HEXB: variants seen among roughly 807,000 people sequenced by gnomAD.
The protein encoded by HEXB is hexosaminidase subunit beta, also known as beta-hexosaminidase subunit beta.
In HEXB, 51 loss-of-function variants were observed where a neutral mutation model predicts 71.2. The observed-to-expected ratio is 0.72, with a 90% CI of 0.57 to 0.90. The LOEUF (loss-of-function observed/expected upper bound fraction) is 0.90. HEXB is among the 40% of genes least tolerant of loss of function. HEXB has a pLI of 0.00. For missense variants in HEXB, 617 were observed against 677.0 expected (o/e 0.91, Z 0.98); for synonymous variants, 266 against 249.3 (o/e 1.07, Z -0.63).
At chr5:74,717,610 T>C (rs1470513836) in intron 9 of HEXB, among the ~76,000 whole-genome samples, 3 of 151,798 alleles carry the variant, frequency 2.0e-5, no homozygotes, top group African/African-American at 2.4e-5. Flanking sequence ...CCACATACAA[T>C]TGCCCATGGA....
chr5:74,698,394 T>C (rs1351346570), intron 5 of HEXB, among the ~76,000 whole-genome samples: 1 of 138,622 alleles, frequency 7.2e-6, no homozygotes, highest in Non-Finnish European at 1.5e-5. Flanking sequence ...ATTATTATTA[T>C]TATTTTTTTT....
chr5:74,644,105 A>C (rs1234476607), intron 1 of HEXB, among the ~76,000 whole-genome samples: 1 of 152,226 alleles, frequency 6.6e-6, no homozygotes, highest in Non-Finnish European at 1.5e-5. Flanking sequence ...CACACCTCCC[A>C]GTAGCACATA....
chr5:74,697,085 T>C lies in HEXB; in HGVS notation c.648T>C (p.Val216=). The C allele has an allele frequency of 6.6e-7, 1 of 1,509,998 alleles. No homozygotes were observed. The highest frequency in any genetic ancestry group is 1.1e-5 in the South Asian group (1 of 89,286). The allele number at this position is 1,509,998 out of a possible 1,614,324, so 93.5% of individuals were successfully genotyped here. A position where few individuals can be genotyped will look rare whatever the true frequency, so the allele number is the denominator to read the frequency against. ...ATACATCCAGACATTATCTGCCAGT[T>C]AAGATTATTCTTAAAACTCTGGTAA... ...LIDTSRHYLP[V]KIILKTLDAM... Residue 216 remains valine, a synonymous_variant, in exon 5 of 14, where the codon GTT becomes GTC. Transcript: ENST00000261416.
At chr5:74,684,117 C>A (rs1158799781), upstream of HEXB, among the ~76,000 whole-genome samples, 1 of 152,182 alleles carries the variant, frequency 6.6e-6, no homozygotes, top group Non-Finnish European at 1.5e-5. Context: ...CCGCACCTGG[C>A]CTAATCATTA....
chr5:74,673,233 A>C (rs16872173), intron 1 of HEXB, among the ~76,000 whole-genome samples: 21,378 of 152,186 alleles, frequency 0.14, 1,601 homozygotes, highest in African/African-American at 0.18. Flanking sequence ...ATTTAACTCC[A>C]AGCCGTCTTC....
intron 3 of HEXB, 105 bp downstream of exon 3, chr5:74,693,809 C>T: frequency 1.2e-6 from 1 of 814,718 alleles, no homozygotes; most frequent in Admixed American, 1.8e-5. Flanking sequence ...AGATCCTTTA[C>T]AGAATGCTTT....
At chr5:74,664,430 T>TTAAAAAAAAAA (rs768901546) in intron 1 of HEXB, among the ~76,000 whole-genome samples, 9 of 79,664 alleles carry the variant, frequency 1.1e-4, no homozygotes, top group South Asian at 4.5e-4. Context: ...ATTCTATCTC[T>TTAAAAAAAAAA]AAAAAAAAAA....
At chr5:74,663,191 T>TTG (rs113584958) in intron 1 of HEXB, among the ~76,000 whole-genome samples, 2 of 131,576 alleles carry the variant, frequency 1.5e-5, no homozygotes, top group African/African-American at 5.5e-5. Context: ...TCCTTTTTTT[T>TTG]GGGGGGGTGG....
At chr5:74,708,491 C>G (rs1429176118) in intron 6 of HEXB, among the ~76,000 whole-genome samples, 3 of 150,778 alleles carry the variant, frequency 2.0e-5, no homozygotes, top group African/African-American at 7.3e-5. Flanking sequence ...AAGACACAGA[C>G]TGGCAAATTG....
intron 11 of HEXB, 91 bp from the exon 12 acceptor site, chr5:74,720,337 G>A: frequency 1.0e-6 from 1 of 980,558 alleles, no homozygotes; most frequent in Non-Finnish European, 1.7e-6. Context: ...TGTTGCCCTA[G>A]GATAAAGATG....
chr5:74,712,381 G>A (rs1413489408), intron 6 of HEXB, among the ~76,000 whole-genome samples: 2 of 151,164 alleles, frequency 1.3e-5, no homozygotes, highest in African/African-American at 2.4e-5. Flanking sequence ...GTATACATAC[G>A]TAACTAACCT....
At chr5:74,669,886 A>G (rs1271271618) in intron 1 of HEXB, among the ~76,000 whole-genome samples, 1 of 152,226 alleles carries the variant, frequency 6.6e-6, no homozygotes, top group Non-Finnish European at 1.5e-5. Flanking sequence ...TGGGCGATGC[A>G]GAGACAGGCC....
chr5:74,671,362 G>A (rs867588669), intron 1 of HEXB, among the ~76,000 whole-genome samples: 21 of 151,910 alleles, frequency 1.4e-4, no homozygotes, highest in Middle Eastern at 3.2e-3. Flanking sequence ...CTGTGGATAC[G>A]CACTACAACC....
chr5:74,683,485 G>A (rs925494759), upstream of HEXB, among the ~76,000 whole-genome samples: 3 of 152,044 alleles, frequency 2.0e-5, no homozygotes, highest in African/African-American at 7.2e-5. Flanking sequence ...TGTATTTTTA[G>A]TAGAGATGAG....
rs1749854929 is a variant in HEXB at position 74,721,234 on chromosome 5, CATGTAAA to C, written c.*62_*68del. The C allele has an allele frequency of 6.2e-6, 8 of 1,296,786 alleles. No homozygotes were observed. The East Asian group carries it at 1.6e-4, about 26-fold the overall frequency. The allele number at this position is 1,296,786 out of a possible 1,614,324, so 80.3% of individuals were successfully genotyped here. A position where few individuals can be genotyped will look rare whatever the true frequency, so the allele number is the denominator to read the frequency against. On this transcript the variant is annotated 3_prime_UTR_variant, in exon 14 of 14. Transcript: ENST00000261416. ...ACTACAATCAACTTTATTTTGAAAT[CATGTAAA>C]ATAAGATATTAGACTGTTTTTTGAA...
At chr5:74,668,801 TTG>T (rs1748481445) in intron 1 of HEXB, among the ~76,000 whole-genome samples, 1 of 152,244 alleles carries the variant, frequency 6.6e-6, no homozygotes, top group African/African-American at 2.4e-5. Flanking sequence ...CTATGAAGGA[TTG>T]TGTCTCCTTT....
chr5:74,705,987 A>C (rs190291596), intron 6 of HEXB: 1 of 153,346 alleles, frequency 6.5e-6, no homozygotes, highest in African/African-American at 2.4e-5. Flanking sequence ...ATGTAGGCTA[A>C]AATGTGCTAA....
At chr5:74,707,361 T>C (rs1474257584) in intron 6 of HEXB, among the ~76,000 whole-genome samples, 1 of 152,140 alleles carries the variant, frequency 6.6e-6, no homozygotes, top group Non-Finnish European at 1.5e-5. Context: ...GCAGAAAAAC[T>C]GGAAACTCTA....
At chr5:74,684,661 T>C (rs1431657452), upstream of HEXB, among the ~76,000 whole-genome samples, 1 of 151,234 alleles carries the variant, frequency 6.6e-6, no homozygotes, top group Non-Finnish European at 1.5e-5. Context: ...CTGGGCCGTT[T>C]TCTTTTTCTT....
Sources: allele counts gnomAD v4.1 joint callset (sites outside exome capture counted in the v4.1 genomes callset), GRCh38; gene constraint gnomAD v4.1.1; transcripts MANE v1.5; gene names NCBI Gene and HGNC (gene_info 2026-07-23, HGNC 2026-07-21).